WDR35: variants seen among roughly 807,000 people sequenced by gnomAD.
WDR35 encodes the protein WD repeat domain 35.
Under a neutral mutation model 158.3 loss-of-function variants are expected in WDR35, and 118 were observed. The ratio of observed to expected loss-of-function variants is 0.75; its 90% CI spans 0.64 to 0.87. The LOEUF is 0.87. Among genes scored for constraint, WDR35 ranks in the 40% least tolerant of loss-of-function variants. The pLI is 0.00. For synonymous variants in WDR35, 448 were observed against 476.1 expected, an observed-to-expected ratio of 0.94 and a Z score of 0.77; for missense variants, 1,263 against 1,405.8, an observed-to-expected ratio of 0.90 and a Z score of 1.62.
chr2:19,965,970 G>A (rs557890869), intron 10 of WDR35, among the ~76,000 whole-genome samples: 7 of 152,162 alleles, frequency 4.6e-5, no homozygotes, highest in Non-Finnish European at 8.8e-5. Flanking sequence ...GGTAATTACC[G>A]CTAATCCACC....
At chr2:19,973,411 G>C (rs1316344635) in intron 8 of WDR35, 152 bp downstream of exon 8, 3 of 740,264 alleles carry the variant, frequency 4.1e-6, no homozygotes, top group Non-Finnish European at 5.8e-6. Flanking sequence ...AAAATTCCAT[G>C]ATAAAATACA....
In WDR35 at chr2:19,935,539, T is replaced by C. The variant is rs771898616; in HGVS notation, c.2479A>G (p.Met827Val). 14 of 1,613,130 alleles carry C rather than the reference T, an allele frequency of 8.7e-6. No individual in the cohort carries two copies. Among genetic ancestry groups the C allele is most frequent in the Non-Finnish European group, 1.2e-5 (14 of 1,179,610 alleles). ...TCTAACCCTTCATAATCCTCTAACA[T>C]ATAGTAACATTCAGCTAAGCGTTCC... Reference protein sequence around the residue: ...NQERLAECYYMLEDYEGLENL... With the variant: ...NQERLAECYYVLEDYEGLENL... Residue 827 changes from methionine (M) to valine (V), a missense_variant, in exon 21 of 27, where the codon ATG becomes GTG. Coordinates refer to ENST00000281405, the MANE Select transcript of WDR35 (RefSeq NM_020779.4).
At chr2:19,927,525 C>T (rs188533922) in intron 25 of WDR35, among the ~76,000 whole-genome samples, 107 of 152,208 alleles carry the variant, frequency 7.0e-4, no homozygotes, top group African/African-American at 2.4e-3. Flanking sequence ...ATAAGAAGTA[C>T]GGCAAGAGTT....
At chr2:19,984,215 T>C (rs1011019868) in intron 2 of WDR35, among the ~76,000 whole-genome samples, 16 of 152,084 alleles carry the variant, frequency 1.1e-4, no homozygotes, top group African/African-American at 3.1e-4. Flanking sequence ...CTTGATATAT[T>C]GAACAAATAT....
chr2:19,951,580 T>C (rs1671237555), intron 12 of WDR35, 96 bp from the exon 13 acceptor site: 2 of 889,524 alleles, frequency 2.2e-6, no homozygotes, highest in African/African-American at 3.4e-5. Flanking sequence ...CAATTAATAC[T>C]GTTATTTAAT....
chr2:19,989,191 T>G lies in WDR35; in HGVS notation c.116A>C (p.Lys39Thr). 6.2e-7 allele frequency: 1 copy of G among 1,614,218 alleles called. No homozygotes were observed. The highest frequency in any genetic ancestry group is 8.5e-7 in the Non-Finnish European group (1 of 1,180,044). Residue 39 changes from lysine (K) to threonine (T), a missense_variant, in exon 2 of 27, where the codon AAA becomes ACA. Lys to Thr is a moderately conservative substitution (Grantham distance 78). Transcript: ENST00000281405. Reference sequence around the variant, plus strand: ...TGTCTGCGTCTCTAATTTCAAAACTTTCAGTAATCCATCTTCACCACCGCA... The same window carrying G: ...TGTCTGCGTCTCTAATTTCAAAACTGTCAGTAATCCATCTTCACCACCGCA... ...IACGGEDGLL[K>T]VLKLETQTDD...
chr2:19,955,067 C>T (rs1351082653), intron 11 of WDR35, among the ~76,000 whole-genome samples: 3 of 152,182 alleles, frequency 2.0e-5, no homozygotes, highest in Non-Finnish European at 2.9e-5. Context: ...ATTCTCCTGC[C>T]TCAGCCTCCA....
rs1468280226 is a variant in WDR35 at position 19,914,271 on chromosome 2, T to C, written c.3128A>G (p.His1043Arg). The C allele has an allele frequency of 6.2e-7, 1 of 1,614,106 alleles. No homozygotes were observed. The highest frequency in any genetic ancestry group is 8.5e-7 in the Non-Finnish European group (1 of 1,179,984). ...CVDTALKTAL[H>R]LKDYEDIIPP... ...GATGATGTCTTCATAGTCTTTCAGG[T>C]GAAGAGCTAAGAAAAACAGGGCAAT... is the stretch of plus-strand genomic sequence containing the variant. The change falls in exon 26 of 27, where the codon CAC becomes CGC. Residue 1043 changes from histidine to arginine, a missense_variant. His to Arg is a conservative substitution (Grantham distance 29). Coordinates refer to ENST00000281405, the MANE Select transcript of WDR35 (RefSeq NM_020779.4).
At chr2:19,965,968 C>T (rs993499145) in intron 10 of WDR35, among the ~76,000 whole-genome samples, 1 of 152,160 alleles carries the variant, frequency 6.6e-6, no homozygotes, top group African/African-American at 2.4e-5. Flanking sequence ...AAGGTAATTA[C>T]CGCTAATCCA....
At chr2:19,932,232 A>T in intron 23 of WDR35, 51 bp downstream of exon 23, 1 of 1,605,820 alleles carries the variant, frequency 6.2e-7, no homozygotes, top group East Asian at 2.2e-5. Context: ...TTCATATATT[A>T]AAATATTGTG....
chr2:19,982,494 A>T lies in WDR35; in HGVS notation c.183T>A (p.Leu61=). 6.2e-7 allele frequency: 1 copy of T among 1,613,976 alleles called. No homozygotes were observed. The highest frequency in any genetic ancestry group is 8.5e-7 in the Non-Finnish European group (1 of 1,179,932). Residue 61 remains leucine (L), a synonymous_variant, in exon 3 of 27, where the codon CTT becomes CTA. Transcript: ENST00000281405. The part of the protein sequence containing the change: ...KLRGLAAPSN[L]SMNQTLEGHS... ...GACCTTCAAGAGTCTGATTCATAGA[A>T]AGGTTACTGGGGGCTGCAAGGCCCC...
intron 10 of WDR35, among the ~76,000 whole-genome samples, chr2:19,961,933 T>C (rs1671674979): frequency 6.6e-6 from 1 of 152,186 alleles, no homozygotes; most frequent in South Asian, 2.1e-4. Flanking sequence ...CCATCCACTT[T>C]ACAGTCCTGA....
intron 20 of WDR35, 94 bp downstream of exon 20, chr2:19,936,125 A>T: frequency 1.3e-6 from 2 of 1,561,442 alleles, no homozygotes; most frequent in East Asian, 4.5e-5. Context: ...CAAGAAAATG[A>T]TCTTCATTTC....
intron 8 of WDR35, among the ~76,000 whole-genome samples, chr2:19,970,385 T>C (rs1672000790): frequency 6.6e-6 from 1 of 152,158 alleles, no homozygotes; most frequent in African/African-American, 2.4e-5. Flanking sequence ...CTTTCCACTC[T>C]CTACAATTAC....
rs1669792333 is a variant in WDR35, at chr2:19,910,294, T to A, written c.*3264A>T. The stretch of plus-strand genomic sequence containing the variant: ...TCTTCAATGTTTATTATTTTCGTAT[T>A]TTTTCACTTAATACTACATAAAATC... On this transcript the variant is annotated 3_prime_UTR_variant, in exon 27 of 27. Transcript: ENST00000281405. 1 of 152,244 alleles carries A rather than the reference T, an allele frequency of 6.6e-6. No individual in the cohort carries two copies. The highest frequency in any genetic ancestry group is 2.4e-5 in the African/African-American group (1 of 41,466). 9.4% of individuals were successfully genotyped at this position (152,244 alleles called of 1,614,324 possible).
chr2:19,927,212 A>C (rs1670384664), intron 25 of WDR35, among the ~76,000 whole-genome samples: 1 of 152,228 alleles, frequency 6.6e-6, no homozygotes, highest in Admixed American at 6.5e-5. Context: ...TCACTCTATG[A>C]TGCTGTTACA....
chr2:19,942,851 G>T (rs937435861), intron 16 of WDR35, among the ~76,000 whole-genome samples: 1 of 151,932 alleles, frequency 6.6e-6, no homozygotes, highest in African/African-American at 2.4e-5. Context: ...GACCAGCAGG[G>T]TCTCACCTAA....
chr2:19,947,889 A>C (rs1384407805), intron 14 of WDR35, among the ~76,000 whole-genome samples: 2 of 152,002 alleles, frequency 1.3e-5, no homozygotes, highest in African/African-American at 4.8e-5. Context: ...AAGCTTTAAA[A>C]CTTTCTTATT....
chr2:19,954,099 T>A (rs1671342293), intron 11 of WDR35, 121 bp from the exon 12 acceptor site: 3 of 1,124,628 alleles, frequency 2.7e-6, no homozygotes, highest in Non-Finnish European at 3.9e-6. Context: ...TACCCCCACA[T>A]AGTCTCAAAA....
Sources: gnomAD v4.1 joint callset for allele counts (sites outside exome capture counted in the v4.1 genomes callset) on GRCh38, gnomAD v4.1.1 for gene constraint, MANE v1.5 for transcripts, NCBI Gene and HGNC (gene_info 2026-07-23, HGNC 2026-07-21) for gene names.